Variants in FLT3 observed in about 807,000 individuals in gnomAD.
FLT3 encodes fms related receptor tyrosine kinase 3, also known as receptor-type tyrosine-protein kinase FLT3.
A neutral mutation model predicts 126.6 loss-of-function variants in FLT3; 46 were observed. The ratio of observed to expected loss-of-function variants is 0.36; its 90% CI spans 0.29 to 0.46. The LOEUF is 0.46. Among genes scored for constraint, FLT3 ranks in the 20% least tolerant of loss-of-function variants. The pLI is 1.00. For missense variants in FLT3, 1,069 were observed against 1,190.3 expected (o/e 0.90, Z 1.50); for synonymous variants, 404 against 434.4 (o/e 0.93, Z 0.87).
At position 28,064,308 on chromosome 13, in the gene FLT3, C is replaced by T. The variant is rs1254925526; in HGVS notation, c.166-2239G>A. 1.3e-5 allele frequency among the ~76,000 whole-genome samples: 2 copies of T among 151,624 alleles called. 1 individual carries two copies. Among genetic ancestry groups the T allele is most frequent in the African/African-American group, 4.8e-5 (2 of 41,244 alleles). ...AATGGCCCTCAGCCAGGGGCGATGG[C>T]TCACTCCTGAAATCCCAGCACTTTG... On this transcript the variant is annotated intron_variant, in intron 2 of 23. Transcript: ENST00000241453.
chr13:28,068,647 C>T (rs1284235322), intron 2 of FLT3, among the ~76,000 whole-genome samples: 1 of 152,188 alleles, frequency 6.6e-6, no homozygotes, highest in Admixed American at 6.5e-5. Context: ...CTCACTGCAA[C>T]CTCCACCTCC....
At chr13:28,025,024 TA>T in intron 17 of FLT3, 81 bp from the exon 18 acceptor site, 1 of 793,918 alleles carries the variant, frequency 1.3e-6, no homozygotes, top group Non-Finnish European at 2.2e-6. Flanking sequence ...ATTCATCAAA[TA>T]AATGGATTCC....
At chr13:28,033,208 A>G (rs934126310) in intron 15 of FLT3, among the ~76,000 whole-genome samples, 4 of 151,128 alleles carry the variant, frequency 2.6e-5, no homozygotes, top group Admixed American at 2.0e-4. Context: ...GGCTGAGGTG[A>G]GAGCATTGCT....
intron 23 of FLT3, among the ~76,000 whole-genome samples, chr13:28,004,689 T>C (rs1870730331): frequency 6.6e-6 from 1 of 152,204 alleles, no homozygotes; most frequent in African/African-American, 2.4e-5. Flanking sequence ...GTACTTTTAT[T>C]ATGCATAGGT....
intron 1 of FLT3, among the ~76,000 whole-genome samples, chr13:28,083,602 G>T (rs1445495803): frequency 2.0e-5 from 3 of 152,200 alleles, no homozygotes; most frequent in Non-Finnish European, 2.9e-5. Flanking sequence ...ATTTCCCAGT[G>T]AGAGCCATCT....
intron 4 of FLT3, among the ~76,000 whole-genome samples, chr13:28,053,953 A>G (rs1218197704): frequency 6.6e-6 from 1 of 152,064 alleles, no homozygotes; most frequent in East Asian, 1.9e-4. Context: ...GGCTCAAGTG[A>G]TCTTCCTGCC....
chr13:28,087,458 T>G (rs1458161010), intron 1 of FLT3, among the ~76,000 whole-genome samples: 1 of 152,244 alleles, frequency 6.6e-6, no homozygotes, highest in Non-Finnish European at 1.5e-5. Flanking sequence ...AGATTTTCTC[T>G]TAGTCTCTGG....
intron 1 of FLT3, among the ~76,000 whole-genome samples, chr13:28,078,958 C>T (rs921499708): frequency 2.0e-5 from 3 of 152,172 alleles, no homozygotes; most frequent in African/African-American, 7.2e-5. Context: ...GTGATCCCCC[C>T]GCCTTGGCCT....
At chr13:28,052,478 G>A (rs1875600620) in intron 5 of FLT3, 67 bp downstream of exon 5, 2 of 1,450,472 alleles carry the variant, frequency 1.4e-6, no homozygotes, top group African/African-American at 1.4e-5. Context: ...ACAGCTTGAT[G>A]TCAACTACAT....
chr13:28,048,847 G>C (rs1593259848), intron 8 of FLT3, among the ~76,000 whole-genome samples: 1 of 152,284 alleles, frequency 6.6e-6, no homozygotes, highest in East Asian at 1.9e-4. Flanking sequence ...AATCTGCTAA[G>C]AGCATCGCTG....
chr13:28,042,506 G>GAAA (rs10678675), intron 9 of FLT3, among the ~76,000 whole-genome samples: 1 of 151,834 alleles, frequency 6.6e-6, no homozygotes, highest in Non-Finnish European at 1.5e-5. Context: ...GGCAATTTCA[G>GAAA]AAAAAGAAGG....
intron 1 of FLT3, among the ~76,000 whole-genome samples, chr13:28,085,597 T>C (rs1457414883): frequency 6.6e-6 from 1 of 152,150 alleles, no homozygotes. Context: ...TTGCCCCATG[T>C]ATTTTCAAGT....
Position 28,085,933 on chromosome 13 carries a change from C to T in FLT3, c.43+14535G>A, listed in dbSNP as rs1878647302. 2.0e-5 allele frequency among the ~76,000 whole-genome samples: 3 copies of T among 152,130 alleles called. No homozygotes were observed. The South Asian group carries it at 6.2e-4, about 32-fold the overall frequency. On this transcript the variant is annotated intron_variant, in intron 1 of 23. Transcript: ENST00000241453. Reference sequence around the variant, plus strand: ...TTTGAGACCAGTCTGGGTAACATGACAAGACCCCTTCTTTAAATAAAAAAT... The same window carrying T: ...TTTGAGACCAGTCTGGGTAACATGATAAGACCCCTTCTTTAAATAAAAAAT...
At chr13:28,009,649 T>G (rs1371121365) in intron 23 of FLT3, among the ~76,000 whole-genome samples, 2 of 151,970 alleles carry the variant, frequency 1.3e-5, no homozygotes, top group African/African-American at 4.8e-5. Flanking sequence ...CCATGACCGC[T>G]CCCCAGACTC....
intron 1 of FLT3, among the ~76,000 whole-genome samples, chr13:28,098,986 T>A (rs1169776917): frequency 6.6e-6 from 1 of 152,178 alleles, no homozygotes; most frequent in Non-Finnish European, 1.5e-5. Flanking sequence ...GAGCTAGAAT[T>A]GCTCTATATC....
chr13:28,026,352 G>GAAAAAAAAAAAAAAAAAAAAAA (rs5802460), intron 17 of FLT3, among the ~76,000 whole-genome samples: 1 of 78,938 alleles, frequency 1.3e-5, no homozygotes. Flanking sequence ...AACTCTGTCT[G>GAAAAAAAAAAAAAAAAAAAAAA]AAAAAAAAAA....
At position 28,091,510 on chromosome 13, in the gene FLT3, C is replaced by T. The variant is rs543972403; in HGVS notation, c.43+8958G>A. On this transcript the variant is annotated intron_variant, in intron 1 of 23. Coordinates refer to ENST00000241453, the MANE Select transcript of FLT3 (RefSeq NM_004119.3). ...TGCTGGGATTACAGGCGTGAGCCAC[C>T]GCGCCCGGCCCCCCATTTTCTTCCT... Among the ~76,000 whole-genome samples, 14 of 152,006 alleles carry T rather than the reference C, an allele frequency of 9.2e-5. No individual in the cohort carries two copies. The South Asian group carries it at 2.1e-3, about 23-fold the overall frequency.
At chr13:28,050,704 C>T (rs550653723) in intron 5 of FLT3, among the ~76,000 whole-genome samples, 1 of 152,236 alleles carries the variant, frequency 6.6e-6, no homozygotes, top group Admixed American at 6.5e-5. Flanking sequence ...CAAGGTGTCA[C>T]CCACAAGGGA....
intron 23 of FLT3, chr13:28,009,576 G>A (rs1253713346): frequency 6.6e-6 from 1 of 152,020 alleles, no homozygotes; most frequent in Non-Finnish European, 1.5e-5. Flanking sequence ...CTGTTCTGTT[G>A]AGACAGAGTC....
Sources: gnomAD v4.1 joint callset for allele counts (sites outside exome capture counted in the v4.1 genomes callset) on GRCh38, gnomAD v4.1.1 for gene constraint, MANE v1.5 for transcripts, NCBI Gene and HGNC (gene_info 2026-07-23, HGNC 2026-07-21) for gene names.